Variants in PASD1 observed in about 807,000 individuals in gnomAD.
PASD1 encodes PAS domain containing repressor 1.
A neutral mutation model predicts 58.8 loss-of-function variants in PASD1; 13 were observed. The ratio of observed to expected loss-of-function variants is 0.22; its 90% CI spans 0.14 to 0.35. The LOEUF (loss-of-function observed/expected upper bound fraction) is 0.35. Among genes scored for constraint, PASD1 ranks in the 10% least tolerant of loss-of-function variants. The probability of loss-of-function intolerance (pLI) is 1.00; values close to 1 mark genes in which losing one functional copy is unlikely to be tolerated. For synonymous variants in PASD1, 236 were observed against 216.7 expected (o/e 1.09, Z -0.78); for missense variants, 734 against 568.3 (o/e 1.29, Z -2.96).
intron 14 of PASD1, 55 bp from the exon 15 acceptor site, chrX:151,673,873 T>G (rs2014509036): frequency 8.4e-7 from 1 of 1,189,536 alleles, no homozygotes; most frequent in Non-Finnish European, 1.1e-6. Flanking sequence ...CGTGAGTGTC[T>G]CATCAGTTAT....
chrX:151,652,404 A>G (rs749552455), intron 9 of PASD1, among the ~76,000 whole-genome samples: 1 of 110,036 alleles, frequency 9.1e-6, no homozygotes, highest in African/African-American at 3.3e-5. Context: ...GTGGTGGCAC[A>G]CGCCTGTAGT....
At chrX:151,667,073 T>C (rs750104429) in intron 11 of PASD1, among the ~76,000 whole-genome samples, 2 of 110,506 alleles carry the variant, frequency 1.8e-5, no homozygotes, top group African/African-American at 6.8e-5. Flanking sequence ...TAATGATTTT[T>C]ATTCTAACTG....
intron 15 of PASD1, 93 bp downstream of exon 15, chrX:151,674,279 T>C (rs773782079): frequency 3.3e-4 from 356 of 1,084,218 alleles, no homozygotes; most frequent in Non-Finnish European, 3.9e-4. Flanking sequence ...GTGCATGCTG[T>C]GTGTGAGAGC....
chrX:151,615,212 A>G (rs899353609), intron 4 of PASD1, among the ~76,000 whole-genome samples: 4 of 104,474 alleles, frequency 3.8e-5, no homozygotes, highest in African/African-American at 1.3e-4. Flanking sequence ...TGATGGTGTT[A>G]GTTATGATAT....
intron 8 of PASD1, among the ~76,000 whole-genome samples, chrX:151,646,288 C>A (rs1239314533): frequency 8.9e-6 from 1 of 111,994 alleles, no homozygotes; most frequent in African/African-American, 3.2e-5. Context: ...TATTTATATT[C>A]TTGATATTTA....
intron 1 of PASD1, among the ~76,000 whole-genome samples, chrX:151,586,557 G>C (rs1420000077): frequency 1.8e-5 from 2 of 111,508 alleles, no homozygotes; most frequent in Non-Finnish European, 3.8e-5. Flanking sequence ...ATGGTGACTG[G>C]TGAAATACAC....
chrX:151,620,903 C>G (rs1401667853), intron 4 of PASD1, 27 bp from the exon 5 acceptor site: 1 of 1,124,948 alleles, frequency 8.9e-7, no homozygotes, highest in Non-Finnish European at 1.2e-6. Context: ...CTTTTTCCCT[C>G]CACCTCCTCC....
chrX:151,630,587 A>G (rs1420095978), intron 8 of PASD1, among the ~76,000 whole-genome samples: 1 of 112,115 alleles, frequency 8.9e-6, no homozygotes, highest in Non-Finnish European at 1.9e-5. Context: ...CAGGGTTGTA[A>G]TTTTTAGTTA....
chrX:151,603,568 T>G (rs1305483944), intron 2 of PASD1, among the ~76,000 whole-genome samples: 1 of 111,619 alleles, frequency 9.0e-6, no homozygotes, highest in East Asian at 2.8e-4. Flanking sequence ...TGGAAGAGTG[T>G]CATGGGTTGT....
intron 8 of PASD1, among the ~76,000 whole-genome samples, chrX:151,643,127 A>G (rs766351308): frequency 1.8e-5 from 2 of 112,424 alleles, no homozygotes; most frequent in Non-Finnish European, 3.7e-5. Flanking sequence ...GTAAATCAGT[A>G]TATTTGGATA....
intron 8 of PASD1, chrX:151,645,723 A>G (rs1569412282): frequency 1.8e-5 from 2 of 111,655 alleles, no homozygotes; most frequent in Non-Finnish European, 3.8e-5. Flanking sequence ...TTGTGCTTGT[A>G]TCTGTTCCTA....
chrX:151,651,183 C>T (rs1250543501), intron 9 of PASD1, among the ~76,000 whole-genome samples: 2 of 111,640 alleles, frequency 1.8e-5, no homozygotes, highest in Admixed American at 1.9e-4. Flanking sequence ...TGTCTTGCAT[C>T]AGGTGTGGAG....
chrX:151,674,053 G>A lies in PASD1; in HGVS notation c.2042G>A (p.Ser681Asn), dbSNP rs2014512933. 2 of 1,209,877 alleles carry A rather than the reference G, an allele frequency of 1.7e-6. No individual in the cohort carries two copies. Among genetic ancestry groups the A allele is most frequent in the East Asian group, 3.0e-5 (1 of 33,746 alleles). Reference sequence around the variant, plus strand: ...CCCATAACTTCAGACTCAACCATAAGCACCCTGGAGACCCCACAGGATTAC... The same window carrying A: ...CCCATAACTTCAGACTCAACCATAAACACCCTGGAGACCCCACAGGATTAC... ...QFPITSDSTI[S>N]TLETPQDYIR... The change falls in exon 15 of 16, where the codon AGC (serine) becomes AAC (asparagine). Residue 681 changes from serine to asparagine, a missense_variant. By Grantham distance (46) the Ser-to-Asn change is conservative (BLOSUM62 1). Coordinates refer to ENST00000370357, the MANE Select transcript of PASD1 (RefSeq NM_173493.3).
rs780114476 is a variant in PASD1, at chrX:151,672,481, G to A, written c.1736G>A (p.Gly579Glu). The A allele has an allele frequency of 3.3e-6, 4 of 1,210,124 alleles. No individual in the cohort carries two copies. Among genetic ancestry groups the A allele is most frequent in the Non-Finnish European group, 4.5e-6 (4 of 895,310 alleles). The stretch of plus-strand genomic sequence containing the variant: ...CCACTGAAGCATAATGTCATCGTGG[G>A]GAATGAGAGGGTGCAGATATGCCTG... ...EQPLKHNVIVGNERVQICLQN... is the reference protein window; with the variant it reads ...EQPLKHNVIVENERVQICLQN... Residue 579 changes from glycine to glutamate, a missense_variant, in exon 14 of 16, where the codon GGG becomes GAG. Gly to Glu is a moderately conservative substitution (Grantham distance 98, BLOSUM62 -2). Coordinates refer to ENST00000370357, the MANE Select transcript of PASD1 (RefSeq NM_173493.3).
At chrX:151,575,456 G>C (rs2012989956) in intron 1 of PASD1, among the ~76,000 whole-genome samples, 1 of 111,205 alleles carries the variant, frequency 9.0e-6, no homozygotes. Flanking sequence ...ACTATCCAGT[G>C]CCCATACATA....
chrX:151,599,651 C>T (rs1488924428), intron 1 of PASD1, among the ~76,000 whole-genome samples: 5 of 107,919 alleles, frequency 4.6e-5, no homozygotes, highest in Non-Finnish European at 7.7e-5. Flanking sequence ...CAGAGGCGCT[C>T]CTCACATCTC....
chrX:151,621,600 G>A lies in PASD1; in HGVS notation c.418+8G>A, dbSNP rs772988908. The A allele has an allele frequency of 6.2e-6, 7 of 1,125,957 alleles. No individual in the cohort carries two copies. Among genetic ancestry groups the A allele is most frequent in the East Asian group, 3.0e-5 (1 of 32,923 alleles). 92.8% of individuals were successfully genotyped at this position (1,125,957 alleles called of 1,213,427 possible). On this transcript the variant is annotated splice_region_variant and intron_variant, in intron 6 of 15. Coordinates refer to ENST00000370357, the MANE Select transcript of PASD1 (RefSeq NM_173493.3). Reference sequence around the variant, plus strand: ...TAAGAGATATTTGTAATGGTAAGCAGTTCTGTTTATCTTATCTATATGACA... The same window carrying A: ...TAAGAGATATTTGTAATGGTAAGCAATTCTGTTTATCTTATCTATATGACA...
intron 9 of PASD1, 27 bp downstream of exon 9, chrX:151,648,729 C>T (rs1836214673): frequency 1.7e-6 from 2 of 1,187,557 alleles, no homozygotes; most frequent in Admixed American, 4.4e-5. Context: ...CCATAGACTA[C>T]AATCTTAGAC....
intron 1 of PASD1, among the ~76,000 whole-genome samples, chrX:151,567,669 C>T (rs896038513): frequency 2.7e-5 from 3 of 111,666 alleles, no homozygotes; most frequent in African/African-American, 9.8e-5. Flanking sequence ...GGAGGTACTC[C>T]CCGAAAGTCA....
Sources: allele counts gnomAD v4.1 joint callset (sites outside exome capture counted in the v4.1 genomes callset), GRCh38; gene constraint gnomAD v4.1.1; transcripts MANE v1.5; gene names NCBI Gene and HGNC (gene_info 2026-07-23, HGNC 2026-07-21).